The following FNDC3A variants were observed in gnomAD, a reference collection of about 807,000 sequenced individuals.
FNDC3A encodes the protein fibronectin type III domain containing 3A.
A neutral mutation model predicts 148.9 loss-of-function variants in FNDC3A; 32 were observed. The ratio of observed to expected loss-of-function variants is 0.21; its 90% CI spans 0.16 to 0.29. The LOEUF is 0.29. FNDC3A is among the 10% of genes least tolerant of loss of function. The probability of loss-of-function intolerance (pLI) is 1.00; values close to 1 mark genes in which losing one functional copy is unlikely to be tolerated. For synonymous variants in FNDC3A, 472 were observed against 473.6 expected (o/e 1.00, Z 0.04); for missense variants, 1,191 against 1,452.8 (o/e 0.82, Z 2.93).
intron 2 of FNDC3A, among the ~76,000 whole-genome samples, chr13:49,073,110 A>G (rs1311173864): frequency 6.6e-6 from 1 of 152,226 alleles, no homozygotes; most frequent in Non-Finnish European, 1.5e-5. Context: ...ACAGCTGTAG[A>G]TGAAGTTAAA....
chr13:49,137,066 G>T (rs2137942350), intron 6 of FNDC3A, among the ~76,000 whole-genome samples: 1 of 151,130 alleles, frequency 6.6e-6, no homozygotes, highest in South Asian at 2.1e-4. Flanking sequence ...GGCTCAAGCA[G>T]TCCTCCCATC....
At chr13:49,203,357 G>A (rs1886506771) in intron 25 of FNDC3A, 73 bp downstream of exon 25, 17 of 1,131,964 alleles carry the variant, frequency 1.5e-5, no homozygotes, top group Non-Finnish European at 2.2e-5. Context: ...TTCAGTGTAA[G>A]ATTTGGCCAT....
intron 2 of FNDC3A, among the ~76,000 whole-genome samples, chr13:49,066,685 T>TA (rs1382906834): frequency 6.6e-6 from 1 of 151,988 alleles, no homozygotes; most frequent in Non-Finnish European, 1.5e-5. Flanking sequence ...TTTTTTTTTT[T>TA]AACAACATTC....
chr13:49,040,547 G>A (rs1207966611), intron 2 of FNDC3A, among the ~76,000 whole-genome samples: 1 of 152,234 alleles, frequency 6.6e-6, no homozygotes, highest in Non-Finnish European at 1.5e-5. Flanking sequence ...ATGGTGTAAT[G>A]AAACTGTCAG....
intron 3 of FNDC3A, among the ~76,000 whole-genome samples, chr13:49,112,497 TAAGA>T (rs1158128269): frequency 6.6e-6 from 1 of 152,204 alleles, no homozygotes; most frequent in Non-Finnish European, 1.5e-5. Flanking sequence ...TGCTTAAACT[TAAGA>T]AAATTTTATT....
chr13:49,006,333 G>T, intron 2 of FNDC3A, 44 bp downstream of exon 2: 1 of 1,095,556 alleles, frequency 9.1e-7, no homozygotes. Flanking sequence ...TAATACACAT[G>T]TATTTATGCA....
Position 49,206,574 on chromosome 13 carries a change from C to G in FNDC3A, c.3283-507C>G, listed in dbSNP as rs989427479. 2.0e-5 allele frequency among the ~76,000 whole-genome samples: 3 copies of G among 152,106 alleles called. No homozygotes were observed. The East Asian group carries it at 5.8e-4, about 29-fold the overall frequency. The stretch of plus-strand genomic sequence containing the variant: ...CTATTTTCTGATTCTAAGTGATCTC[C>G]CCTCTCTGGTTTATACAGTGATTTG... On this transcript the variant is annotated intron_variant, in intron 25 of 25. Transcript: ENST00000492622.
intron 15 of FNDC3A, among the ~76,000 whole-genome samples, 195 bp downstream of exon 15, chr13:49,186,297 T>TA (rs1406085968): frequency 6.6e-6 from 1 of 152,124 alleles, no homozygotes; most frequent in Non-Finnish European, 1.5e-5. Context: ...TAAGATATGA[T>TA]AAAAAGGAAC....
intron 10 of FNDC3A, among the ~76,000 whole-genome samples, chr13:49,170,964 T>G (rs748186832): frequency 6.6e-6 from 1 of 152,148 alleles, no homozygotes. Flanking sequence ...ATCCCTCACT[T>G]CCTGCTGAGA....
intron 2 of FNDC3A, among the ~76,000 whole-genome samples, chr13:49,071,335 C>T (rs1877674697): frequency 6.6e-6 from 1 of 152,086 alleles, no homozygotes; most frequent in Admixed American, 6.6e-5. Context: ...CTGCAATAAA[C>T]ATGGGAATAC....
At chr13:49,016,948 T>G (rs1872840933) in intron 2 of FNDC3A, among the ~76,000 whole-genome samples, 1 of 151,640 alleles carries the variant, frequency 6.6e-6, no homozygotes, top group Non-Finnish European at 1.5e-5. Context: ...CTAGTTTGAT[T>G]GCACTGTGGT....
intron 1 of FNDC3A, among the ~76,000 whole-genome samples, chr13:49,000,278 A>G (rs991799770): frequency 4.6e-5 from 7 of 152,200 alleles, no homozygotes; most frequent in Non-Finnish European, 8.8e-5. Context: ...AGATAATCCA[A>G]ATTCATTATT....
At chr13:49,027,755 T>C (rs760802529) in intron 2 of FNDC3A, among the ~76,000 whole-genome samples, 13 of 151,876 alleles carry the variant, frequency 8.6e-5, no homozygotes, top group Non-Finnish European at 1.8e-4. Context: ...AGAACATATT[T>C]AACATAAAAA....
In FNDC3A at chr13:49,024,691, T is replaced by A. The variant is rs145738755; in HGVS notation, c.99+18402T>A. On this transcript the variant is annotated intron_variant, in intron 2 of 25. Transcript: ENST00000492622. ...TAAATTCAGCATCCCTTCATGATTT[T>A]AAAAAAAAACCCTCAATAAATTAGG... is the stretch of plus-strand genomic sequence containing the variant. 3.3e-3 allele frequency among the ~76,000 whole-genome samples: 496 copies of A among 151,036 alleles called. 10 individuals are homozygous for A. In the East Asian group the frequency reaches 0.044, roughly 13 times the overall value.
At chr13:49,062,103 A>T (rs1876940947) in intron 2 of FNDC3A, among the ~76,000 whole-genome samples, 1 of 152,092 alleles carries the variant, frequency 6.6e-6, no homozygotes. Flanking sequence ...GATTATCACT[A>T]TTGAAGGGAA....
At chr13:49,206,968 T>C (rs1380272627) in intron 25 of FNDC3A, 113 bp from the exon 26 acceptor site, 2 of 692,084 alleles carry the variant, frequency 2.9e-6, no homozygotes, top group Non-Finnish European at 4.9e-6. Context: ...AAAGATAAAA[T>C]CAATGGCATT....
At chr13:49,127,485 T>C (rs900985131) in intron 4 of FNDC3A, among the ~76,000 whole-genome samples, 2 of 152,212 alleles carry the variant, frequency 1.3e-5, no homozygotes. Context: ...AATGTCTACA[T>C]TGCTAAATCC....
intron 7 of FNDC3A, among the ~76,000 whole-genome samples, chr13:49,142,702 A>T (rs1251749271): frequency 6.6e-6 from 1 of 152,238 alleles, no homozygotes; most frequent in Non-Finnish European, 1.5e-5. Flanking sequence ...TTTGGAATAT[A>T]AATACTCATT....
intron 8 of FNDC3A, among the ~76,000 whole-genome samples, chr13:49,165,668 G>C (rs971850526): frequency 6.6e-5 from 10 of 152,178 alleles, no homozygotes; most frequent in Admixed American, 6.5e-4. Context: ...GCTTGCTCAG[G>C]TGCTAGTAGT....
Sources: allele counts gnomAD v4.1 joint callset (sites outside exome capture counted in the v4.1 genomes callset), GRCh38; gene constraint gnomAD v4.1.1; transcripts MANE v1.5; gene names NCBI Gene and HGNC (gene_info 2026-07-23, HGNC 2026-07-21).